The following PTK2 variants were observed in gnomAD, a reference collection of about 807,000 sequenced individuals.
PTK2 encodes the protein protein tyrosine kinase 2.
In PTK2, 45 loss-of-function variants were observed where a neutral mutation model predicts 150.1. The ratio of observed to expected loss-of-function variants is 0.30; its 90% confidence interval spans 0.24 to 0.38. PTK2 has a LOEUF of 0.38. Among genes scored for constraint, PTK2 ranks in the 10% least tolerant of loss-of-function variants. The pLI, the probability that PTK2 is intolerant of heterozygous loss-of-function variation, is 1.00. For missense variants in PTK2, 919 were observed against 1,307.3 expected (o/e 0.70, Z 4.58); for synonymous variants, 432 against 449.2 (o/e 0.96, Z 0.48).
chr8:140,847,427 G>C (rs2100126254), intron 5 of PTK2, among the ~76,000 whole-genome samples: 1 of 152,222 alleles, frequency 6.6e-6, no homozygotes, highest in Non-Finnish European at 1.5e-5. Context: ...ATACGTGCAA[G>C]TAACTGTCAC....
chr8:140,800,121 CT>C (rs1303177316), intron 12 of PTK2, among the ~76,000 whole-genome samples: 2 of 151,962 alleles, frequency 1.3e-5, no homozygotes, highest in Non-Finnish European at 2.9e-5. Flanking sequence ...TAACGGATTC[CT>C]TTTTTTAAAC....
At chr8:140,815,748 TA>T (rs1183410279) in intron 10 of PTK2, among the ~76,000 whole-genome samples, 3 of 152,112 alleles carry the variant, frequency 2.0e-5, no homozygotes, top group African/African-American at 7.2e-5. Flanking sequence ...ATTGGCTCAA[TA>T]TTATCATAAC....
intron 10 of PTK2, among the ~76,000 whole-genome samples, chr8:140,804,213 A>C (rs2100096933): frequency 7.1e-6 from 1 of 140,984 alleles, no homozygotes; most frequent in Non-Finnish European, 1.5e-5. Flanking sequence ...TAAGTAGCAT[A>C]AACTTTGGCT....
At chr8:140,876,578 AT>A (rs2100145656) in intron 4 of PTK2, among the ~76,000 whole-genome samples, 1 of 152,086 alleles carries the variant, frequency 6.6e-6, no homozygotes, top group Non-Finnish European at 1.5e-5. Flanking sequence ...TCATTCATTG[AT>A]TATAAAATAT....
intron 16 of PTK2, among the ~76,000 whole-genome samples, chr8:140,753,119 G>C (rs1054696855): frequency 1.3e-5 from 2 of 152,324 alleles, no homozygotes; most frequent in Non-Finnish European, 2.9e-5. Flanking sequence ...CTGCAGAGAG[G>C]CAAGGTTAGA....
chr8:140,676,034 T>TA (rs1483996026), intron 27 of PTK2, among the ~76,000 whole-genome samples: 1 of 152,090 alleles, frequency 6.6e-6, no homozygotes, highest in African/African-American at 2.4e-5. Flanking sequence ...ATGTCTGGAT[T>TA]AAAAAAATGT....
At chr8:140,982,148 C>A (rs1231255294) in intron 1 of PTK2, among the ~76,000 whole-genome samples, 1 of 150,762 alleles carries the variant, frequency 6.6e-6, no homozygotes, top group African/African-American at 2.4e-5. Context: ...CAAAGCATAG[C>A]AAGCTACAGT....
chr8:140,846,886 A>G (rs2100125865), intron 5 of PTK2, among the ~76,000 whole-genome samples: 1 of 152,174 alleles, frequency 6.6e-6, no homozygotes, highest in African/African-American at 2.4e-5. Flanking sequence ...TTAAAGATAT[A>G]AATAAATGTT....
intron 8 of PTK2, chr8:140,822,351 C>CAG (rs2100109184): frequency 3.7e-5 from 1 of 26,840 alleles, no homozygotes; most frequent in Admixed American, 4.6e-4. Context: ...GGCGCTGATT[C>CAG]ACACACACAC....
chr8:140,719,764 C>CT (rs2100041747), intron 22 of PTK2, among the ~76,000 whole-genome samples: 1 of 151,838 alleles, frequency 6.6e-6, no homozygotes, highest in Admixed American at 6.6e-5. Context: ...TGGCTTATGC[C>CT]TGTAATCCCA....
intron 24 of PTK2, among the ~76,000 whole-genome samples, chr8:140,703,218 G>T (rs1227424520): frequency 2.6e-5 from 4 of 151,878 alleles, no homozygotes. Context: ...AGCCGAGATC[G>T]GGCCATTGCA....
At chr8:140,759,708 T>C (rs1340624591) in intron 16 of PTK2, among the ~76,000 whole-genome samples, 1 of 151,310 alleles carries the variant, frequency 6.6e-6, no homozygotes, top group Admixed American at 6.6e-5. Context: ...AAAATTAAAT[T>C]AGCTATGTGT....
chr8:140,906,814 CAAAGG>C (rs995124667), intron 2 of PTK2, among the ~76,000 whole-genome samples: 11 of 152,076 alleles, frequency 7.2e-5, no homozygotes, highest in African/African-American at 2.4e-4. Flanking sequence ...GTTCCCAACA[CAAAGG>C]AAAGAAAAGT....
intron 1 of PTK2, among the ~76,000 whole-genome samples, chr8:141,000,337 G>T (rs540389735): frequency 1.3e-5 from 2 of 152,222 alleles, no homozygotes; most frequent in African/African-American, 4.8e-5. Flanking sequence ...AAACTTGAGG[G>T]TTTGCGTTCG....
At chr8:140,848,474 C>G (rs1224317738) in intron 5 of PTK2, among the ~76,000 whole-genome samples, 2 of 152,084 alleles carry the variant, frequency 1.3e-5, no homozygotes, top group Non-Finnish European at 2.9e-5. Context: ...AATGAACAAA[C>G]AGTCATCAAA....
At chr8:140,969,440 A>G (rs947062213) in intron 1 of PTK2, among the ~76,000 whole-genome samples, 8 of 152,216 alleles carry the variant, frequency 5.3e-5, no homozygotes, top group Non-Finnish European at 1.0e-4. Flanking sequence ...CCTCTCCACC[A>G]GAACTTCTCT....
chr8:140,829,774 T>C (rs1342200356), intron 8 of PTK2, among the ~76,000 whole-genome samples: 3 of 152,168 alleles, frequency 2.0e-5, no homozygotes, highest in Admixed American at 1.3e-4. Flanking sequence ...ACTATTTTCT[T>C]CATTGTAGAA....
chr8:140,954,595 C>A (rs1305773374), intron 1 of PTK2: 6 of 152,094 alleles, frequency 3.9e-5, no homozygotes, highest in Non-Finnish European at 1.5e-5. Context: ...AGGCACTAAA[C>A]AATTTATATT....
intron 25 of PTK2, among the ~76,000 whole-genome samples, 161 bp downstream of exon 28, chr8:140,702,409 G>A (rs961002461): frequency 6.6e-6 from 1 of 150,936 alleles, no homozygotes; most frequent in East Asian, 1.9e-4. Context: ...TGTAGAGACA[G>A]GGTCTCGCTA....
Sources: gnomAD v4.1 joint callset for allele counts (sites outside exome capture counted in the v4.1 genomes callset) on GRCh38, gnomAD v4.1.1 for gene constraint, MANE v1.5 for transcripts, NCBI Gene and HGNC (gene_info 2026-07-23, HGNC 2026-07-21) for gene names.